Variants in DENND1A observed in about 807,000 individuals in gnomAD.
The protein encoded by DENND1A is DENN domain-containing protein 1A.
DENND1A carries 51 observed loss-of-function variants against 113.7 expected under a neutral mutation model. The observed-to-expected ratio is 0.45, with a 90% CI of 0.36 to 0.57. DENND1A has a LOEUF of 0.57. Ranked by LOEUF, DENND1A falls within the 20% of genes least tolerant of loss-of-function variation. DENND1A has a pLI of 0.00. For missense variants in DENND1A, 1,258 were observed against 1,395.9 expected (o/e 0.90, Z 1.57); for synonymous variants, 565 against 570.8 (o/e 0.99, Z 0.14).
At chr9:123,570,833 G>A (rs2058314371) in intron 12 of DENND1A, among the ~76,000 whole-genome samples, 1 of 152,212 alleles carries the variant, frequency 6.6e-6, no homozygotes, top group African/African-American at 2.4e-5. Context: ...TACAAGCCCT[G>A]TAGAATATCT....
rs185837107 is a variant in DENND1A, at chr9:123,772,270, G to C, written c.133-2707C>G. On this transcript the variant is annotated intron_variant, in intron 3 of 23. Transcript: ENST00000394215. ...TTCCCAAAGAAAAATAAAATTATTC[G>C]AATATGAAAAGTACCACTCTCCAAG... Among the ~76,000 whole-genome samples, 1,362 of 151,950 alleles carry C rather than the reference G, an allele frequency of 9.0e-3. 26 individuals carry two copies. The highest frequency in any genetic ancestry group is 9.5e-3 in the Non-Finnish European group (643 of 67,960).
At chr9:123,791,184 A>G (rs1309653597) in intron 3 of DENND1A, among the ~76,000 whole-genome samples, 2 of 152,188 alleles carry the variant, frequency 1.3e-5, no homozygotes, top group Non-Finnish European at 2.9e-5. Context: ...AAGGTTATTT[A>G]CCTAGACACA....
chr9:123,837,148 A>G (rs1765862943), intron 2 of DENND1A, among the ~76,000 whole-genome samples: 1 of 151,952 alleles, frequency 6.6e-6, no homozygotes, highest in Admixed American at 6.5e-5. Context: ...CAGGATTTAA[A>G]CTCCTCCCAA....
intron 11 of DENND1A, among the ~76,000 whole-genome samples, chr9:123,595,433 A>T (rs1469917708): frequency 5.9e-5 from 9 of 152,098 alleles, no homozygotes; most frequent in Non-Finnish European, 1.2e-4. Context: ...GGACACAGAG[A>T]CGATTAAACC....
At chr9:123,485,598 C>T (rs1446341120) in intron 13 of DENND1A, 2 of 151,532 alleles carry the variant, frequency 1.3e-5, no homozygotes, top group African/African-American at 4.9e-5. Context: ...TCTCCCCCTG[C>T]CAGGTTCCAC....
chr9:123,885,272 T>G (rs1848898157), intron 1 of DENND1A, among the ~76,000 whole-genome samples: 1 of 152,140 alleles, frequency 6.6e-6, no homozygotes, highest in African/African-American at 2.4e-5. Context: ...CTAAACTTAT[T>G]CCAAAGTACA....
At chr9:123,588,635 G>C (rs890707330) in intron 11 of DENND1A, among the ~76,000 whole-genome samples, 35 of 131,422 alleles carry the variant, frequency 2.7e-4, no homozygotes, top group East Asian at 1.4e-3. Context: ...AAAAAAAAAG[G>C]GGGGGGGGGA....
chr9:123,640,109 T>A (rs566909885), intron 9 of DENND1A, among the ~76,000 whole-genome samples: 1 of 152,312 alleles, frequency 6.6e-6, no homozygotes, highest in East Asian at 1.9e-4. Context: ...AATTACTGAG[T>A]ATCCACTATG....
At chr9:123,717,585 T>C (rs567731458) in intron 5 of DENND1A, among the ~76,000 whole-genome samples, 15 of 152,356 alleles carry the variant, frequency 9.8e-5, no homozygotes, top group African/African-American at 1.9e-4. Flanking sequence ...ATTCTAATTA[T>C]ACTACACAAG....
At chr9:123,417,517 T>C (rs2044836915) in intron 19 of DENND1A, among the ~76,000 whole-genome samples, 2 of 152,218 alleles carry the variant, frequency 1.3e-5, no homozygotes, top group Non-Finnish European at 2.9e-5. Flanking sequence ...ACACAGCTAG[T>C]AGCGAAAACT....
chr9:123,869,501 C>G (rs1347908066), intron 2 of DENND1A, among the ~76,000 whole-genome samples: 1 of 152,118 alleles, frequency 6.6e-6, no homozygotes, highest in African/African-American at 2.4e-5. Context: ...TTGAGTAAAG[C>G]TTTCTTTTTC....
At chr9:123,703,850 G>A (rs1189452016) in intron 5 of DENND1A, among the ~76,000 whole-genome samples, 1 of 152,102 alleles carries the variant, frequency 6.6e-6, no homozygotes, top group South Asian at 2.1e-4. Flanking sequence ...GAACTTTTGG[G>A]AGTGACAGAA....
chr9:123,479,255 C>T (rs1159078913), intron 13 of DENND1A, among the ~76,000 whole-genome samples: 1 of 152,160 alleles, frequency 6.6e-6, no homozygotes, highest in African/African-American at 2.4e-5. Context: ...CACCTGCCAC[C>T]TTTCAAAAGG....
chr9:123,886,712 T>C (rs1849152092), intron 1 of DENND1A, among the ~76,000 whole-genome samples: 3 of 152,192 alleles, frequency 2.0e-5, no homozygotes, highest in Admixed American at 2.0e-4. Context: ...AAGCCTTTTT[T>C]TCCAGGCTGA....
intron 2 of DENND1A, among the ~76,000 whole-genome samples, chr9:123,858,692 T>C (rs1434475766): frequency 6.6e-6 from 1 of 152,088 alleles, no homozygotes; most frequent in African/African-American, 2.4e-5. Flanking sequence ...GGTCTGGCAC[T>C]CGGAAGTCAG....
At chr9:123,695,739 T>C (rs779474466) in intron 5 of DENND1A, among the ~76,000 whole-genome samples, 25 of 152,184 alleles carry the variant, frequency 1.6e-4, no homozygotes, top group Non-Finnish European at 3.4e-4. Flanking sequence ...CAACTCTCTC[T>C]CATACTAGTG....
rs138124573 is a variant in DENND1A, at chr9:123,879,553, T to TACACACACACACACACACACAC, written c.18-533_18-532insGTGTGTGTGTGTGTGTGTGTGT. 5.7e-4 allele frequency among the ~76,000 whole-genome samples: 85 copies of TACACACACACACACACACACAC among 150,104 alleles called. 1 individual carries two copies. The highest frequency in any genetic ancestry group is 1.9e-3 in the African/African-American group (77 of 40,846). On this transcript the variant is annotated intron_variant, in intron 1 of 23. Transcript: ENST00000394215. Reference sequence around the variant, plus strand: ...GTCTCAAAAATGAATAATAAAATTATACACACACACACACACACACAAATT... The same window carrying TACACACACACACACACACACAC: ...GTCTCAAAAATGAATAATAAAATTATACACACACACACACACACACACACACACACACACACACACACAAATT...
intron 13 of DENND1A, among the ~76,000 whole-genome samples, chr9:123,510,959 G>A (rs944579247): frequency 2.0e-5 from 3 of 152,202 alleles, no homozygotes; most frequent in African/African-American, 7.2e-5. Flanking sequence ...TAGGCAATAA[G>A]GCCACACAAT....
chr9:123,438,143 T>C (rs890941085), intron 19 of DENND1A, among the ~76,000 whole-genome samples: 3 of 152,176 alleles, frequency 2.0e-5, no homozygotes, highest in African/African-American at 7.2e-5. Flanking sequence ...TTAAAACTCA[T>C]GCCTGCCGGT....
Sources: gnomAD v4.1 joint callset for allele counts (sites outside exome capture counted in the v4.1 genomes callset) on GRCh38, gnomAD v4.1.1 for gene constraint, MANE v1.5 for transcripts, NCBI Gene and HGNC (gene_info 2026-07-23, HGNC 2026-07-21) for gene names.